The following DIS3L2 variants were observed in gnomAD, a reference collection of about 807,000 sequenced individuals.
DIS3L2 encodes the protein DIS3-like exonuclease 2.
DIS3L2 carries 34 observed loss-of-function variants against 97.5 expected under a neutral mutation model. The ratio of observed to expected loss-of-function variants is 0.35; its 90% CI spans 0.27 to 0.46. DIS3L2 has a LOEUF of 0.46. Ranked by LOEUF, DIS3L2 falls within the 20% of genes least tolerant of loss-of-function variation. The pLI is 1.00. For synonymous variants in DIS3L2, 435 were observed against 445.2 expected (o/e 0.98, Z 0.29); for missense variants, 1,038 against 1,146.0 (o/e 0.91, Z 1.36).
chr2:232,091,687 G>C (rs1437845434), intron 6 of DIS3L2, among the ~76,000 whole-genome samples: 2 of 152,078 alleles, frequency 1.3e-5, no homozygotes, highest in Non-Finnish European at 2.9e-5. Flanking sequence ...GGGATTGCTG[G>C]TATGGTAGCT....
intron 13 of DIS3L2, among the ~76,000 whole-genome samples, chr2:232,285,286 TA>T (rs995336428): frequency 6.6e-6 from 1 of 152,166 alleles, no homozygotes; most frequent in African/African-American, 2.4e-5. Context: ...GAAGCCAACC[TA>T]TCTCTCACCT....
intron 7 of DIS3L2, among the ~76,000 whole-genome samples, chr2:232,133,478 C>G (rs1698273563): frequency 6.6e-6 from 1 of 152,090 alleles, no homozygotes; most frequent in East Asian, 1.9e-4. Flanking sequence ...ACATGATAAC[C>G]AAAAGGTCCA....
Position 232,329,899 on chromosome 2 carries a change from G to T in DIS3L2, c.1826G>T (p.Arg609Leu). ...TTCCCCGAGCAGGCCCTGCTGCGCCGGCACCCCCCGCCCCAAACAAGGATG... is the reference window on the plus strand; with the variant it reads ...TTCCCCGAGCAGGCCCTGCTGCGCCTGCACCCCCCGCCCCAAACAAGGATG... ...RAFPEQALLR[R>L]HPPPQTRMLS... Residue 609 changes from arginine to leucine, a missense_variant, in exon 15 of 21, where the codon CGG (arginine) becomes CTG (leucine). Physicochemically the swap from Arg to Leu is moderately radical, Grantham distance 102. Coordinates refer to ENST00000325385, the MANE Select transcript of DIS3L2 (RefSeq NM_152383.5). 2 of 1,610,816 alleles carry T rather than the reference G, an allele frequency of 1.2e-6. No homozygotes were observed.
chr2:232,333,860 G>T lies in DIS3L2; in HGVS notation c.2031G>T (p.Ser677=). The change falls in exon 17 of 21, where the codon TCG becomes TCT. Residue 677 remains serine (S), a synonymous_variant. Coordinates refer to ENST00000325385, the MANE Select transcript of DIS3L2 (RefSeq NM_152383.5). The stretch of plus-strand genomic sequence containing the variant: ...CGCAGATGGCACTGTACTTCTGCTC[G>T]GGGCTGCTGCAGGACCCAGCGCAGT... ...RPMQMALYFC[S]GLLQDPAQFR... The T allele has an allele frequency of 6.2e-7, 1 of 1,612,282 alleles. No homozygotes were observed. Among genetic ancestry groups the T allele is most frequent in the Non-Finnish European group, 8.5e-7 (1 of 1,179,628 alleles).
At chr2:232,062,201 C>T (rs1215111496) in intron 5 of DIS3L2, among the ~76,000 whole-genome samples, 1 of 152,108 alleles carries the variant, frequency 6.6e-6, no homozygotes, top group Admixed American at 6.5e-5. Flanking sequence ...GAGGCAGCTT[C>T]TCCATCCTTG....
chr2:232,027,125 G>A (rs1231684409), intron 4 of DIS3L2, among the ~76,000 whole-genome samples: 6 of 152,088 alleles, frequency 3.9e-5, no homozygotes, highest in African/African-American at 1.2e-4. Context: ...CAACTGAAGA[G>A]GGCAATAATA....
intron 11 of DIS3L2, among the ~76,000 whole-genome samples, chr2:232,246,991 C>A (rs1460157700): frequency 8.3e-5 from 1 of 12,012 alleles, no homozygotes; most frequent in African/African-American, 5.0e-4. Flanking sequence ...AGTTCTGGCC[C>A]AAGTTATAAT....
intron 5 of DIS3L2, among the ~76,000 whole-genome samples, chr2:232,077,999 TTC>T (rs760490671): frequency 7.0e-6 from 1 of 143,114 alleles, no homozygotes; most frequent in Non-Finnish European, 1.5e-5. Flanking sequence ...CTTTCTTTCT[TTC>T]TTTCTTTCTT....
chr2:232,065,268 C>T (rs1473235685), intron 5 of DIS3L2, among the ~76,000 whole-genome samples: 1 of 152,034 alleles, frequency 6.6e-6, no homozygotes, highest in Non-Finnish European at 1.5e-5. Context: ...CTTTTTCCCC[C>T]CAGCTCCTGG....
chr2:232,047,467 A>G (rs956236694), intron 5 of DIS3L2, among the ~76,000 whole-genome samples: 1 of 152,220 alleles, frequency 6.6e-6, no homozygotes, highest in Non-Finnish European at 1.5e-5. Context: ...ATGATTTATT[A>G]TTTGTAATTG....
intron 3 of DIS3L2, among the ~76,000 whole-genome samples, chr2:232,019,808 A>G (rs1310023578): frequency 1.3e-5 from 2 of 152,044 alleles, no homozygotes; most frequent in Admixed American, 1.3e-4. Flanking sequence ...AAGTTAGGCA[A>G]GTCACTGGGG....
intron 8 of DIS3L2, among the ~76,000 whole-genome samples, chr2:232,158,334 T>TGCGC (rs59250513): frequency 3.4e-5 from 5 of 148,110 alleles, no homozygotes; most frequent in African/African-American, 7.4e-5. Flanking sequence ...TGTGTGTGTG[T>TGCGC]GCATGTGTGT....
intron 13 of DIS3L2, among the ~76,000 whole-genome samples, chr2:232,273,934 C>G (rs1261524086): frequency 6.6e-6 from 1 of 152,188 alleles, no homozygotes; most frequent in African/African-American, 2.4e-5. Context: ...GTCTAATGCT[C>G]CTTCTGCAAA....
Position 232,329,793 on chromosome 2 carries a change from A to AC in DIS3L2, c.1740-20_1740-19insC. On this transcript the variant is annotated intron_variant, in intron 14 of 20. Transcript: ENST00000325385. Reference sequence around the variant, plus strand: ...TCCCCAAACCCCAGCGGTCCCTCCCATCCCACCCACCCTCTGCAGGCTCGT... The same window carrying AC: ...TCCCCAAACCCCAGCGGTCCCTCCCACTCCCACCCACCCTCTGCAGGCTCGT... The AC allele has an allele frequency of 9.5e-5, 14 of 147,850 alleles. No homozygotes were observed. Among genetic ancestry groups the AC allele is most frequent in the South Asian group, 5.2e-4 (6 of 11,606 alleles). The allele number at this position is 147,850 out of a possible 1,614,324, so 9.2% of individuals were successfully genotyped here. A position where few individuals can be genotyped will look rare whatever the true frequency, so the allele number is the denominator to read the frequency against.
At chr2:232,185,920 A>T (rs1574933043) in intron 9 of DIS3L2, among the ~76,000 whole-genome samples, 1 of 152,052 alleles carries the variant, frequency 6.6e-6, no homozygotes, top group Non-Finnish European at 1.5e-5. Flanking sequence ...ATAAGCACTT[A>T]AGTCAATAAA....
chr2:232,204,044 C>T (rs1041626994), intron 9 of DIS3L2, among the ~76,000 whole-genome samples: 7 of 152,126 alleles, frequency 4.6e-5, no homozygotes, highest in East Asian at 1.9e-4. Context: ...GTATTTTTCT[C>T]GGTAAGGAGT....
chr2:232,046,442 T>A (rs768733247), intron 5 of DIS3L2, among the ~76,000 whole-genome samples: 4 of 152,174 alleles, frequency 2.6e-5, no homozygotes, highest in Non-Finnish European at 5.9e-5. Context: ...AGCATCGATG[T>A]GGATGAGTAG....
At chr2:232,270,129 C>T (rs993965999) in intron 13 of DIS3L2, among the ~76,000 whole-genome samples, 3 of 152,102 alleles carry the variant, frequency 2.0e-5, no homozygotes, top group Admixed American at 1.3e-4. Context: ...GGGACACCAC[C>T]GTGGTGGAGG....
intron 5 of DIS3L2, among the ~76,000 whole-genome samples, chr2:232,048,986 A>C (rs1695325504): frequency 6.6e-6 from 1 of 152,174 alleles, no homozygotes; most frequent in Non-Finnish European, 1.5e-5. Flanking sequence ...TTCATAGTAT[A>C]TATAGACACA....
Sources: allele counts gnomAD v4.1 joint callset (sites outside exome capture counted in the v4.1 genomes callset), GRCh38; gene constraint gnomAD v4.1.1; transcripts MANE v1.5; gene names NCBI Gene and HGNC (gene_info 2026-07-23, HGNC 2026-07-21).